The following TRIM67 variants were observed in gnomAD, a reference collection of about 807,000 sequenced individuals.
The protein encoded by TRIM67 is tripartite motif-containing protein 67.
In TRIM67, 39 loss-of-function variants were observed where a neutral mutation model predicts 71.0. That is an observed-to-expected ratio of 0.55 (90% CI 0.43 to 0.72). The LOEUF is 0.72. TRIM67 is among the 30% of genes least tolerant of loss of function. The probability of loss-of-function intolerance (pLI) is 0.00; values close to 1 mark genes in which losing one functional copy is unlikely to be tolerated. For synonymous variants in TRIM67, 481 were observed against 473.9 expected, an observed-to-expected ratio of 1.01 and a Z score of -0.19; for missense variants, 973 against 1,079.2, an observed-to-expected ratio of 0.90 and a Z score of 1.38.
chr1:231,194,837 C>A (rs1183049749), intron 1 of TRIM67, among the ~76,000 whole-genome samples: 1 of 152,154 alleles, frequency 6.6e-6, no homozygotes, highest in Non-Finnish European at 1.5e-5. Context: ...CACACACCAC[C>A]ATGCCCAGCT....
At chr1:231,193,193 G>A (rs1683278425) in intron 1 of TRIM67, among the ~76,000 whole-genome samples, 1 of 152,230 alleles carries the variant, frequency 6.6e-6, no homozygotes, top group Admixed American at 6.5e-5. Flanking sequence ...TGCACCTCAA[G>A]CAATTATTTT....
At chr1:231,169,679 G>A (rs59207846) in intron 1 of TRIM67, among the ~76,000 whole-genome samples, 9,224 of 151,880 alleles carry the variant, frequency 0.061, 483 homozygotes, top group East Asian at 0.26. Context: ...ACACCCGCCC[G>A]AAGACTAAAT....
At chr1:231,174,150 TTC>T (rs1487944503) in intron 1 of TRIM67, among the ~76,000 whole-genome samples, 3 of 114,786 alleles carry the variant, frequency 2.6e-5, no homozygotes, top group East Asian at 4.6e-4. Context: ...TTGTCTTATT[TTC>T]TTTTTTTTTT....
rs890400963 is a variant in TRIM67, at chr1:231,218,181, C to T, written c.*2741C>T. Reference sequence around the variant, plus strand: ...CAATTCCTCATGGCCAGGAAGGTCCCGGGTTTCAGAGTAGAAATGACAGAC... The same window carrying T: ...CAATTCCTCATGGCCAGGAAGGTCCTGGGTTTCAGAGTAGAAATGACAGAC... On this transcript the variant is annotated 3_prime_UTR_variant, in exon 10 of 10. Transcript: ENST00000366653. 9 of 1,021,582 alleles carry T rather than the reference C, an allele frequency of 8.8e-6. No individual in the cohort carries two copies. The highest frequency in any genetic ancestry group is 3.9e-5 in the South Asian group (1 of 25,494). 63.3% of individuals were successfully genotyped at this position (1,021,582 alleles called of 1,614,324 possible).
At position 231,220,161 on chromosome 1, in the gene TRIM67, C is replaced by A. The variant is rs1475676562; in HGVS notation, c.*4721C>A. Reference sequence around the variant, plus strand: ...AATGATTCCCATTCAGTGACTCAAACCTGTGGGGGGCGTTCCAGTGTTCTC... The same window carrying A: ...AATGATTCCCATTCAGTGACTCAAAACTGTGGGGGGCGTTCCAGTGTTCTC... On this transcript the variant is annotated 3_prime_UTR_variant, in exon 10 of 10. Transcript: ENST00000366653. 1 of 389,538 alleles carries A rather than the reference C, an allele frequency of 2.6e-6. No homozygotes were observed. The highest frequency in any genetic ancestry group is 4.8e-6 in the Non-Finnish European group (1 of 206,544). 24.1% of individuals were successfully genotyped at this position (389,538 alleles called of 1,614,324 possible).
intron 8 of TRIM67, among the ~76,000 whole-genome samples, chr1:231,213,552 C>A (rs1683928766): frequency 6.6e-6 from 1 of 152,094 alleles, no homozygotes; most frequent in African/African-American, 2.4e-5. Context: ...CATAGTGAGA[C>A]TCCTATCTCT....
intron 1 of TRIM67, among the ~76,000 whole-genome samples, chr1:231,175,819 G>A (rs1682732670): frequency 6.6e-6 from 1 of 152,216 alleles, no homozygotes; most frequent in South Asian, 2.1e-4. Flanking sequence ...AATTCAAATA[G>A]ATCCTTGAGT....
At chr1:231,187,372 A>T in intron 1 of TRIM67, 1 of 702,228 alleles carries the variant, frequency 1.4e-6, no homozygotes, top group Non-Finnish European at 2.2e-6. Context: ...TTCTCTGCTT[A>T]CCCAGGAGCC....
chr1:231,163,697 G>A lies in TRIM67; in HGVS notation c.728G>A (p.Gly243Glu). The change falls in exon 1 of 10, where the codon GGA becomes GAA. Residue 243 changes from glycine to glutamate, a missense_variant. By Grantham distance (98) the Gly-to-Glu change is moderately conservative. Coordinates refer to ENST00000366653, the MANE Select transcript of TRIM67 (RefSeq NM_001004342.5). ...CAGCTCAAGTGCCATCCATCCCGGG[G>A]ACCCTTCGCCAAGCATCGCCTGGTG... is the stretch of plus-strand genomic sequence containing the variant. ...ACQLKCHPSR[G>E]PFAKHRLVQP... 2 of 1,509,354 alleles carry A rather than the reference G, an allele frequency of 1.3e-6. No homozygotes were observed. Among genetic ancestry groups the A allele is most frequent in the Non-Finnish European group, 1.8e-6 (2 of 1,130,396 alleles). 93.5% of individuals were successfully genotyped at this position (1,509,354 alleles called of 1,614,324 possible).
At position 231,206,767 on chromosome 1, in the gene TRIM67, C is replaced by T. The variant is rs530290481; in HGVS notation, c.1796C>T (p.Thr599Ile). 63 of 1,608,348 alleles carry T rather than the reference C, an allele frequency of 3.9e-5. 1 individual carries two copies. In the South Asian group the frequency reaches 6.7e-4, roughly 17 times the overall value. ...NSSGVGPYSK[T>I]VVLQTSDVAW... is the part of the protein sequence containing the mutation. ...TCTGGTGTCGGGCCTTACAGTAAAA[C>T]TGTCGTCCTGCAGACATCCGATGGT... Residue 599 changes from threonine (T) to isoleucine (I), a missense_variant, in exon 7 of 10, where the codon ACT (threonine) becomes ATT (isoleucine). Thr to Ile is a moderately conservative substitution (Grantham distance 89, BLOSUM62 -1). Transcript: ENST00000366653.
At chr1:231,175,599 C>G (rs1216567192) in intron 1 of TRIM67, among the ~76,000 whole-genome samples, 1 of 152,218 alleles carries the variant, frequency 6.6e-6, no homozygotes, top group Admixed American at 6.5e-5. Flanking sequence ...AGGAGAGGAG[C>G]CTTGAGCTTA....
intron 1 of TRIM67, among the ~76,000 whole-genome samples, chr1:231,177,537 ACT>A (rs1558293007): frequency 6.6e-6 from 1 of 152,104 alleles, no homozygotes; most frequent in Non-Finnish European, 1.5e-5. Context: ...TGAGCTGATT[ACT>A]CTCTGGTCTC....
chr1:231,171,762 G>A (rs1228576234), intron 1 of TRIM67, among the ~76,000 whole-genome samples: 1 of 152,022 alleles, frequency 6.6e-6, no homozygotes, highest in Non-Finnish European at 1.5e-5. Context: ...GAGAAGAAGG[G>A]GTTTGCTAAA....
chr1:231,164,896 T>C (rs1682408678), intron 1 of TRIM67, among the ~76,000 whole-genome samples: 1 of 152,228 alleles, frequency 6.6e-6, no homozygotes, highest in Non-Finnish European at 1.5e-5. Flanking sequence ...TCTGCTATAA[T>C]GAGCATACGT....
rs1021923688 is a variant in TRIM67 at position 231,176,917 on chromosome 1, A to AAAAAAAAAAAAC, written c.1044+12910_1044+12911insAAAAACAAAAAA. On this transcript the variant is annotated intron_variant, in intron 1 of 9. Coordinates refer to ENST00000366653, the MANE Select transcript of TRIM67 (RefSeq NM_001004342.5). ...CCAATACAATCTGGCAAAAAAAAAA[A>AAAAAAAAAAAAC]AAAAAACACCTTTCAAACATCTCAA... Among the ~76,000 whole-genome samples, 4 of 151,688 alleles carry AAAAAAAAAAAAC rather than the reference A, an allele frequency of 2.6e-5. 1 individual carries two copies. The highest frequency in any genetic ancestry group is 9.7e-5 in the African/African-American group (4 of 41,258).
chr1:231,162,285 C>G lies in TRIM67; in HGVS notation c.-685C>G, dbSNP rs6695806. 152,282 of 152,288 alleles carry G rather than the reference C, an allele frequency of 1. 76,138 individuals are homozygous for G. The highest frequency in any genetic ancestry group is 1 in the Middle Eastern group (292 of 292). 9.4% of individuals were successfully genotyped at this position (152,288 alleles called of 1,614,324 possible). A position where few individuals can be genotyped will look rare whatever the true frequency, so the allele number is the denominator to read the frequency against. ...CAGTCAGCCGGCGTCCACAGCCGCCCAGGAGTAGGGTGAGCGGCTGTCTCC... is the reference window on the plus strand; with the variant it reads ...CAGTCAGCCGGCGTCCACAGCCGCCGAGGAGTAGGGTGAGCGGCTGTCTCC... On this transcript the variant is annotated 5_prime_UTR_variant, in exon 1 of 10. Transcript: ENST00000366653.
Position 231,219,885 on chromosome 1 carries a change from G to T in TRIM67, c.*4445G>T. On this transcript the variant is annotated 3_prime_UTR_variant, in exon 10 of 10. Coordinates refer to ENST00000366653, the MANE Select transcript of TRIM67 (RefSeq NM_001004342.5). ...TAATATCTAGGCTGTAAAAATATGA[G>T]GGCAGGTTTCGGGCAGGATGTATTG... 7.0e-6 allele frequency: 9 copies of T among 1,289,824 alleles called. No homozygotes were observed. The highest frequency in any genetic ancestry group is 8.1e-6 in the Non-Finnish European group (8 of 988,882). The allele number at this position is 1,289,824 out of a possible 1,614,324, so 79.9% of individuals were successfully genotyped here.
At chr1:231,203,011 G>T (rs1408945245) in intron 5 of TRIM67, among the ~76,000 whole-genome samples, 4 of 152,140 alleles carry the variant, frequency 2.6e-5, no homozygotes, top group Admixed American at 2.6e-4. Flanking sequence ...AGGGCCCAGG[G>T]GATGGAGCGA....
intron 1 of TRIM67, among the ~76,000 whole-genome samples, chr1:231,189,357 C>T (rs1683172770): frequency 6.6e-6 from 1 of 152,078 alleles, no homozygotes; most frequent in Non-Finnish European, 1.5e-5. Context: ...AAGAGCTTTG[C>T]AAATGTGATA....
Sources: allele counts gnomAD v4.1 joint callset (sites outside exome capture counted in the v4.1 genomes callset), GRCh38; gene constraint gnomAD v4.1.1; transcripts MANE v1.5; gene names NCBI Gene and HGNC (gene_info 2026-07-23, HGNC 2026-07-21).